Variants in CELF2 observed in about 807,000 individuals in gnomAD.
The protein encoded by CELF2 is CUGBP Elav-like family member 2, also known as CUG triplet repeat RNA-binding protein 2.
CELF2 carries 8 observed loss-of-function variants against 62.6 expected under a neutral mutation model. The observed-to-expected ratio is 0.13, with a 90% CI of 0.07 to 0.23. The LOEUF is 0.23. Ranked by LOEUF, CELF2 falls within the 10% of genes least tolerant of loss-of-function variation. CELF2 has a pLI of 1.00. For missense variants in CELF2, 333 were observed against 671.0 expected, an observed-to-expected ratio of 0.50 and a Z score of 5.56; for synonymous variants, 258 against 250.0, an observed-to-expected ratio of 1.03 and a Z score of -0.30.
chr10:11,286,996 A>AG (rs1442642654), intron 8 of CELF2, among the ~76,000 whole-genome samples: 5 of 152,116 alleles, frequency 3.3e-5, no homozygotes, highest in African/African-American at 1.2e-4. Context: ...TGAGGAGGCC[A>AG]GGGCAGAAGA....
intron 9 of CELF2, among the ~76,000 whole-genome samples, chr10:11,298,777 T>C (rs1479676875): frequency 6.6e-6 from 1 of 152,168 alleles, no homozygotes. Context: ...ATGGGAAAGA[T>C]CGAATCATTA....
chr10:11,034,954 T>C (rs2060724842), intron 1 of CELF2, among the ~76,000 whole-genome samples: 1 of 152,154 alleles, frequency 6.6e-6, no homozygotes, highest in Non-Finnish European at 1.5e-5. Context: ...GGTACTCAAG[T>C]GGGTGCTGAC....
At chr10:10,499,711 C>T in the CELF2 span, among the ~76,000 whole-genome samples, 2 of 152,134 alleles carry the variant, frequency 1.3e-5, no homozygotes, top group Admixed American at 6.5e-5. Flanking sequence ...AATCCTATCT[C>T]CACTAAGAAT....
rs944858407 is a variant in CELF2, at chr10:10,934,793, T to C, written c.89+14794T>C. On this transcript the variant is annotated intron_variant, in intron 2 of 13. Transcript: ENST00000636488. This position sits in a 1 kb window ranked among gnomAD's most constrained non-coding sequence, Gnocchi z 4.4. ...TAGTAAGAAAGCATCTTGTATGTTG[T>C]TTGCATGGAGGTTCGGTTGAAGTCA... 9 of 152,328 alleles carry C rather than the reference T, an allele frequency of 5.9e-5. No homozygotes were observed. The highest frequency in any genetic ancestry group is 2.2e-4 in the African/African-American group (9 of 41,570). 9.4% of individuals were successfully genotyped at this position (152,328 alleles called of 1,614,324 possible). A position where few individuals can be genotyped will look rare whatever the true frequency, so the allele number is the denominator to read the frequency against.
chr10:11,209,429 C>T (rs2061242553), intron 2 of CELF2, among the ~76,000 whole-genome samples: 1 of 152,004 alleles, frequency 6.6e-6, no homozygotes, highest in Admixed American at 6.6e-5. Flanking sequence ...AAAAAAAGGG[C>T]TACATGGGTG....
At chr10:10,846,901 G>C (rs1180154450) in intron 1 of CELF2, among the ~76,000 whole-genome samples, 1 of 152,164 alleles carries the variant, frequency 6.6e-6, no homozygotes, top group Non-Finnish European at 1.5e-5. Flanking sequence ...ACTTCCATGT[G>C]ATTGCAGGTT....
At chr10:10,695,299 G>GA in the CELF2 span, among the ~76,000 whole-genome samples, 1 of 144,648 alleles carries the variant, frequency 6.9e-6, no homozygotes, top group East Asian at 1.9e-4. Context: ...ATTCTGGGTT[G>GA]AAAATTCTTT....
In CELF2 at chr10:11,018,060, C is replaced by T. The variant is rs563876031; in HGVS notation, c.-30C>T. The T allele has an allele frequency of 1.4e-6, 2 of 1,407,406 alleles. No individual in the cohort carries two copies. The highest frequency in any genetic ancestry group is 9.4e-7 in the Non-Finnish European group (1 of 1,061,160). 87.2% of individuals were successfully genotyped at this position (1,407,406 alleles called of 1,614,324 possible). On this transcript the variant is annotated 5_prime_UTR_variant, in exon 1 of 13. Transcript: ENST00000633077. ...GCTCGGACGCGCGCAGAGCCGCCCC[C>T]CGCCGCTGCCGCCGCGTGCGCCCGC...
intron 1 of CELF2, among the ~76,000 whole-genome samples, chr10:10,913,452 G>A (rs1038498389): frequency 1.1e-4 from 14 of 133,244 alleles, no homozygotes; most frequent in East Asian, 9.8e-4. Flanking sequence ...GTGCAGTGGC[G>A]CAATCTCAGC....
intron 1 of CELF2, among the ~76,000 whole-genome samples, chr10:10,906,129 C>T (rs1591752617): frequency 1.3e-5 from 2 of 150,460 alleles, no homozygotes; most frequent in South Asian, 4.2e-4. Context: ...AAAAGATGAT[C>T]TGTCCCAACT....
chr10:10,853,651 G>A (rs971002252), intron 1 of CELF2, among the ~76,000 whole-genome samples: 28 of 150,924 alleles, frequency 1.9e-4, no homozygotes, highest in Non-Finnish European at 2.1e-4. Context: ...AAAAAAAAAA[G>A]CCCCCTTATT....
the CELF2 span, among the ~76,000 whole-genome samples, chr10:10,661,988 A>C: frequency 6.6e-6 from 1 of 152,072 alleles, no homozygotes; most frequent in African/African-American, 2.4e-5. Context: ...TTGCAAGTAG[A>C]AGTAGCCTCC....
chr10:10,733,605 C>T, the CELF2 span, among the ~76,000 whole-genome samples: 3 of 122,730 alleles, frequency 2.4e-5, no homozygotes, highest in Non-Finnish European at 5.3e-5. Flanking sequence ...CATAGTTCAG[C>T]ATGGCTTGGG....
At chr10:10,956,224 C>T (rs2048880458) in intron 2 of CELF2, among the ~76,000 whole-genome samples, 2 of 152,254 alleles carry the variant, frequency 1.3e-5, no homozygotes, top group South Asian at 2.1e-4. Context: ...CACAAAACTA[C>T]CCTTAATAAG....
the CELF2 span, among the ~76,000 whole-genome samples, chr10:10,675,440 A>C: frequency 3.3e-5 from 5 of 152,054 alleles, no homozygotes; most frequent in African/African-American, 2.4e-5. Flanking sequence ...TTGTTTGAAA[A>C]TGAAAGGCCT....
intron 1 of CELF2, among the ~76,000 whole-genome samples, chr10:11,058,470 T>G (rs398046347): frequency 0.21 from 29,861 of 142,004 alleles, 3,188 homozygotes; most frequent in Middle Eastern, 0.27. Flanking sequence ...GGTTTTTTTT[T>G]TTTTTTTTTT....
chr10:10,903,041 C>G (rs1431837709), intron 1 of CELF2, among the ~76,000 whole-genome samples: 1 of 152,052 alleles, frequency 6.6e-6, no homozygotes, highest in African/African-American at 2.4e-5. Context: ...AGGGAAATTT[C>G]AGCTATCAGA....
the CELF2 span, among the ~76,000 whole-genome samples, chr10:10,653,681 C>A: frequency 6.9e-6 from 1 of 145,762 alleles, no homozygotes; most frequent in Non-Finnish European, 1.5e-5. Flanking sequence ...AGAACAAAGA[C>A]ACAACATACC....
At chr10:10,729,811 C>A in the CELF2 span, among the ~76,000 whole-genome samples, 4 of 152,020 alleles carry the variant, frequency 2.6e-5, no homozygotes, top group Non-Finnish European at 5.9e-5. Context: ...ATCATTGTGC[C>A]TCCTAGCATG....
Sources: gnomAD v4.1 joint callset for allele counts (sites outside exome capture counted in the v4.1 genomes callset) on GRCh38, gnomAD v4.1.1 for gene constraint, Gnocchi (gnomAD v3.1) non-coding constraint, MANE v1.5 for transcripts, NCBI Gene and HGNC (gene_info 2026-07-23, HGNC 2026-07-21) for gene names.